ALK: variants seen among roughly 807,000 people sequenced by gnomAD.
ALK encodes the protein ALK receptor tyrosine kinase.
A neutral mutation model predicts 163.1 loss-of-function variants in ALK; 74 were observed. That is an observed-to-expected ratio of 0.45 (90% CI 0.38 to 0.55). The LOEUF is 0.55. Ranked by LOEUF, ALK falls within the 20% of genes least tolerant of loss-of-function variation. The pLI is 0.00. For synonymous variants in ALK, 960 were observed against 843.2 expected (o/e 1.14, Z -2.40); for missense variants, 2,063 against 2,105.3 (o/e 0.98, Z 0.39).
At chr2:29,765,697 G>A (rs994294550) in intron 1 of ALK, among the ~76,000 whole-genome samples, 6 of 151,964 alleles carry the variant, frequency 3.9e-5, no homozygotes, top group African/African-American at 9.7e-5. Context: ...AAATACAAAT[G>A]AGCAAAGAAA....
chr2:29,523,933 G>C (rs1353764825), intron 4 of ALK, among the ~76,000 whole-genome samples: 1 of 133,014 alleles, frequency 7.5e-6, no homozygotes, highest in African/African-American at 2.9e-5. Context: ...AGTTGTACCT[G>C]CCAGGAAAGG....
intron 4 of ALK, among the ~76,000 whole-genome samples, chr2:29,406,526 G>A (rs779655507): frequency 1.6e-4 from 24 of 152,144 alleles, no homozygotes; most frequent in Admixed American, 3.9e-4. Flanking sequence ...GAAGCTGACC[G>A]ATTGCTGATT....
intron 25 of ALK, among the ~76,000 whole-genome samples, chr2:29,208,880 A>T (rs1669384977): frequency 6.6e-6 from 1 of 152,218 alleles, no homozygotes; most frequent in Admixed American, 6.5e-5. Flanking sequence ...AGTGAGAAAA[A>T]GTACAATTAA....
chr2:29,638,309 A>T (rs887353886), intron 3 of ALK, among the ~76,000 whole-genome samples: 1 of 152,206 alleles, frequency 6.6e-6, no homozygotes, highest in African/African-American at 2.4e-5. Context: ...ACATCAACAC[A>T]TAGTAACTTT....
chr2:29,333,665 G>T (rs1667521653), intron 5 of ALK, among the ~76,000 whole-genome samples: 1 of 152,136 alleles, frequency 6.6e-6, no homozygotes, highest in Admixed American at 6.5e-5. Context: ...ACCTAGGTTG[G>T]AGCGTCATGG....
intron 3 of ALK, among the ~76,000 whole-genome samples, chr2:29,645,206 GT>G (rs1676837835): frequency 6.6e-6 from 1 of 152,176 alleles, no homozygotes; most frequent in South Asian, 2.1e-4. Flanking sequence ...TAAAGGCTCA[GT>G]TTTGGGAAAT....
intron 3 of ALK, among the ~76,000 whole-genome samples, chr2:29,568,262 C>A (rs1024099350): frequency 2.6e-5 from 4 of 152,214 alleles, no homozygotes; most frequent in Non-Finnish European, 5.9e-5. Context: ...AATGAAATTA[C>A]CTTTTGCAGT....
intron 4 of ALK, among the ~76,000 whole-genome samples, chr2:29,399,975 C>A (rs181351775): frequency 9.2e-5 from 14 of 152,268 alleles, no homozygotes; most frequent in Non-Finnish European, 1.8e-4. Flanking sequence ...GAGTCTGGTG[C>A]TGATCCTCAT....
At chr2:29,461,320 C>T (rs1573374066) in intron 4 of ALK, among the ~76,000 whole-genome samples, 1 of 152,212 alleles carries the variant, frequency 6.6e-6, no homozygotes, top group South Asian at 2.1e-4. Context: ...AAAGTGGCTA[C>T]ACTACACAAC....
intron 12 of ALK, among the ~76,000 whole-genome samples, chr2:29,247,027 T>G (rs1411163352): frequency 6.6e-6 from 1 of 152,206 alleles, no homozygotes; most frequent in Non-Finnish European, 1.5e-5. Context: ...CCCGCTTTTT[T>G]GTAGACAATG....
At chr2:29,735,931 A>G (rs1679879559) in intron 1 of ALK, among the ~76,000 whole-genome samples, 1 of 152,052 alleles carries the variant, frequency 6.6e-6, no homozygotes, top group African/African-American at 2.4e-5. Context: ...GTGAGAAGGG[A>G]CTAATACACT....
chr2:29,639,728 G>A (rs1315497728), intron 3 of ALK, among the ~76,000 whole-genome samples: 1 of 152,156 alleles, frequency 6.6e-6, no homozygotes, highest in Non-Finnish European at 1.5e-5. Flanking sequence ...GTGAACATAA[G>A]GCAAACACTC....
At chr2:29,221,921 C>T (rs1669815535) in intron 22 of ALK, among the ~76,000 whole-genome samples, 2 of 152,250 alleles carry the variant, frequency 1.3e-5, no homozygotes, top group South Asian at 4.1e-4. Context: ...CCAGCTGAGA[C>T]TCAGCCCTGC....
chr2:29,805,668 T>C (rs1185515115), intron 1 of ALK, among the ~76,000 whole-genome samples: 1 of 152,206 alleles, frequency 6.6e-6, no homozygotes, highest in African/African-American at 2.4e-5. Context: ...GCAAAGGACA[T>C]GATCTTGTTC....
In ALK at chr2:29,758,179, T is replaced by C. The variant is rs139608093; in HGVS notation, c.668-40482A>G. On this transcript the variant is annotated intron_variant, in intron 1 of 28. Coordinates refer to ENST00000389048, the MANE Select transcript of ALK (RefSeq NM_004304.5). ...GCATGTGCCACCATACCTGGCTAAT[T>C]TTTTGTCTTTTTAGTAGAGACAGGG... 3.5e-3 allele frequency among the ~76,000 whole-genome samples: 525 copies of C among 151,930 alleles called. 2 individuals carry two copies. Among genetic ancestry groups the C allele is most frequent in the African/African-American group, 0.012 (503 of 41,418 alleles).
chr2:29,347,853 C>T (rs968119501), intron 5 of ALK, among the ~76,000 whole-genome samples: 3 of 152,202 alleles, frequency 2.0e-5, no homozygotes, highest in African/African-American at 7.2e-5. Context: ...CAAACTTTAG[C>T]ATGCATCAAA....
chr2:29,345,479 A>T (rs1431993050), intron 5 of ALK, among the ~76,000 whole-genome samples: 17 of 151,816 alleles, frequency 1.1e-4, no homozygotes, highest in Non-Finnish European at 1.5e-5. Flanking sequence ...AGTCCTAGCA[A>T]GGATGTAGTG....
chr2:29,892,935 T>G (rs1022115568), intron 1 of ALK, among the ~76,000 whole-genome samples: 2 of 152,324 alleles, frequency 1.3e-5, no homozygotes, highest in African/African-American at 4.8e-5. Flanking sequence ...TTTCCAAGGT[T>G]GACTTGGTCA....
chr2:29,554,569 G>A (rs1321933810), intron 3 of ALK, among the ~76,000 whole-genome samples: 1 of 152,208 alleles, frequency 6.6e-6, no homozygotes, highest in African/African-American at 2.4e-5. Context: ...AGCTGTTCTG[G>A]ATTTGGAAAA....
Sources: gnomAD v4.1 joint callset for allele counts (sites outside exome capture counted in the v4.1 genomes callset) on GRCh38, gnomAD v4.1.1 for gene constraint, MANE v1.5 for transcripts, NCBI Gene and HGNC (gene_info 2026-07-23, HGNC 2026-07-21) for gene names.